Variants in COXFA4L3 observed in about 807,000 individuals in gnomAD.
The protein encoded by COXFA4L3 is cytochrome c oxidase associated subunit FA4L3.
the COXFA4L3 span, chr15:45,433,158 A>G: frequency 1.2e-6 from 1 of 847,084 alleles, no homozygotes; most frequent in Non-Finnish European, 2.1e-6. Context: ...GGCTCTGGAT[A>G]AGGAATTAAA....
the COXFA4L3 span, chr15:45,433,209 A>T: frequency 3.6e-5 from 21 of 588,882 alleles, no homozygotes; most frequent in Non-Finnish European, 3.2e-6. Context: ...GTTTGTGCTT[A>T]TTTTCTTGTA....
the COXFA4L3 span, among the ~76,000 whole-genome samples, chr15:45,432,662 T>TA: frequency 2.0e-5 from 3 of 151,576 alleles, no homozygotes; most frequent in Non-Finnish European, 2.9e-5. Context: ...AAGACTGTCT[T>TA]AAAAAAAAAT....
At chr15:45,432,009 C>A in the COXFA4L3 span, 84 of 1,407,794 alleles carry the variant, frequency 6.0e-5, no homozygotes, top group Admixed American at 1.5e-3. Context: ...GTTTATAAAC[C>A]CAGTATCAGT....
the COXFA4L3 span, chr15:45,432,853 C>T: frequency 1.0e-6 from 1 of 970,284 alleles, no homozygotes; most frequent in African/African-American, 1.7e-5. Context: ...GATGCTTTTT[C>T]TAAAGGGGAG....
chr15:45,431,903 C>T, the COXFA4L3 span, among the ~76,000 whole-genome samples: 1 of 152,130 alleles, frequency 6.6e-6, no homozygotes, highest in Non-Finnish European at 1.5e-5. Context: ...CATGAAACTC[C>T]CTTAGAGAAT....
At chr15:45,430,895 GCA>G in the COXFA4L3 span, 1 of 1,571,346 alleles carries the variant, frequency 6.4e-7, no homozygotes, top group Non-Finnish European at 8.7e-7. Flanking sequence ...TGAAAAGATG[GCA>G]CAGATTTTGA....
the COXFA4L3 span, chr15:45,431,961 C>T: frequency 9.5e-6 from 8 of 838,828 alleles, no homozygotes; most frequent in South Asian, 1.6e-5. Context: ...CATTAGCAGA[C>T]ACATGCCTTA....
the COXFA4L3 span, chr15:45,432,243 C>A: frequency 1.2e-6 from 1 of 838,774 alleles, no homozygotes; most frequent in Non-Finnish European, 1.9e-6. Flanking sequence ...ATCAATTGTG[C>A]CTTCATCGAG....
chr15:45,430,758 T>C, the COXFA4L3 span: 12 of 1,601,720 alleles, frequency 7.5e-6, no homozygotes, highest in Non-Finnish European at 1.0e-5. Flanking sequence ...ACTTTGGATT[T>C]TTAATTTCTA....
the COXFA4L3 span, chr15:45,430,689 C>T: frequency 9.4e-5 from 98 of 1,038,480 alleles, no homozygotes; most frequent in Admixed American, 1.2e-3. Flanking sequence ...GCGGACGCGC[C>T]GGCCCGCAGT....
chr15:45,430,640 A>T, the COXFA4L3 span: 2 of 660,996 alleles, frequency 3.0e-6, no homozygotes, highest in South Asian at 4.0e-5. Flanking sequence ...GTCCGTGCGC[A>T]CCGCCCGGCG....
the COXFA4L3 span, chr15:45,432,080 G>GA: frequency 8.2e-4 from 1,318 of 1,599,824 alleles, 3 homozygotes; most frequent in Non-Finnish European, 1.1e-3. Context: ...AGCCTTGATC[G>GA]AAAAAAAAAT....
chr15:45,431,549 T>C, the COXFA4L3 span, among the ~76,000 whole-genome samples: 3 of 152,162 alleles, frequency 2.0e-5, no homozygotes, highest in African/African-American at 7.2e-5. Context: ...TTGTCTACGA[T>C]GAACCTAATC....
chr15:45,432,766 G>A, the COXFA4L3 span, among the ~76,000 whole-genome samples: 1 of 152,186 alleles, frequency 6.6e-6, no homozygotes, highest in African/African-American at 2.4e-5. Context: ...TAAAAAGATG[G>A]ACTGATAGAA....
At chr15:45,430,619 G>A in the COXFA4L3 span, 1 of 621,676 alleles carries the variant, frequency 1.6e-6, no homozygotes, top group African/African-American at 1.9e-5. Context: ...TCGGTTCCGG[G>A]CGTTACCATC....
the COXFA4L3 span, chr15:45,431,244 A>C: frequency 1.9e-6 from 1 of 520,012 alleles, no homozygotes; most frequent in Non-Finnish European, 3.4e-6. Context: ...GAAAACTCTT[A>C]TGATATTGTC....
At chr15:45,432,217 T>G in the COXFA4L3 span, 1 of 1,087,760 alleles carries the variant, frequency 9.2e-7, no homozygotes, top group Admixed American at 2.3e-5. Flanking sequence ...TACCTTACCC[T>G]TATTGTGTAA....
chr15:45,430,870 T>G, the COXFA4L3 span: 3 of 1,593,194 alleles, frequency 1.9e-6, no homozygotes, highest in Non-Finnish European at 2.6e-6. Flanking sequence ...TGACTAAAGT[T>G]TTCATTTTTA....
chr15:45,430,690 G>C, the COXFA4L3 span: 1 of 1,053,998 alleles, frequency 9.5e-7, no homozygotes, highest in Non-Finnish European at 1.4e-6. Flanking sequence ...CGGACGCGCC[G>C]GCCCGCAGTT....
Sources: allele counts gnomAD v4.1 joint callset (sites outside exome capture counted in the v4.1 genomes callset), GRCh38; gene constraint gnomAD v4.1.1; transcripts MANE v1.5; gene names NCBI Gene and HGNC (gene_info 2026-07-23, HGNC 2026-07-21).